RPH3AL: variants seen among roughly 807,000 people sequenced by gnomAD.
RPH3AL encodes rabphilin 3A like (without C2 domains), also known as rab effector Noc2.
In RPH3AL, 38 loss-of-function variants were observed where a neutral mutation model predicts 43.1. The ratio of observed to expected loss-of-function variants is 0.88; its 90% CI spans 0.68 to 1.15. The LOEUF is 1.15. Ranked by LOEUF, RPH3AL falls within the 50% of genes most tolerant of loss-of-function variation. RPH3AL has a pLI of 0.00. For missense variants in RPH3AL, 462 were observed against 423.2 expected, an observed-to-expected ratio of 1.09 and a Z score of -0.81; for synonymous variants, 189 against 176.3, an observed-to-expected ratio of 1.07 and a Z score of -0.57.
At chr17:251,829 T>G (rs1445780539) in intron 6 of RPH3AL, among the ~76,000 whole-genome samples, 1 of 152,226 alleles carries the variant, frequency 6.6e-6, no homozygotes, top group Admixed American at 6.5e-5. Flanking sequence ...GTCACCTCCC[T>G]GTCCTCCACC....
intron 6 of RPH3AL, among the ~76,000 whole-genome samples, chr17:273,040 C>CTACGTCAGGGTGAGACCCCAGCGAGGGT (rs2042539065): frequency 3.5e-5 from 2 of 56,848 alleles, no homozygotes; most frequent in African/African-American, 1.3e-4. Context: ...CCAGCGAGGG[C>CTACGTCAGGGTGAGACCCCAGCGAGGGT]GACGTCAGGG....
intron 7 of RPH3AL, among the ~76,000 whole-genome samples, chr17:236,582 G>C (rs1289069745): frequency 6.6e-6 from 1 of 152,244 alleles, no homozygotes; most frequent in Non-Finnish European, 1.5e-5. Flanking sequence ...TGGCTTGGAG[G>C]GCTGGCAAGC....
chr17:262,404 C>T (rs558558362), intron 6 of RPH3AL, among the ~76,000 whole-genome samples: 51 of 152,194 alleles, frequency 3.4e-4, no homozygotes, highest in African/African-American at 8.2e-4. Flanking sequence ...TTAGTAGAGA[C>T]GGGGTTTCAC....
At chr17:332,136 G>C (rs2044787879) in intron 2 of RPH3AL, 2 of 346,394 alleles carry the variant, frequency 5.8e-6, no homozygotes, top group Non-Finnish European at 1.1e-5. Flanking sequence ...GAGCTCTGCG[G>C]GGAGCAGACA....
rs1567571002 is a variant in RPH3AL at position 235,460 on chromosome 17, A to ATCTGGGGTCG, written c.613+11650_613+11651insCGACCCCAGA. On this transcript the variant is annotated intron_variant, in intron 7 of 9. Coordinates refer to ENST00000331302, the MANE Select transcript of RPH3AL (RefSeq NM_006987.4). ...GTAACAAGAGGGATGCAGGGTTCAA[A>ATCTGGGGTCG]GCTGGGGTCGGCCGAGGCTCTGCAC... Among the ~76,000 whole-genome samples the ATCTGGGGTCG allele has an allele frequency of 6.5e-4, 90 of 137,834 alleles. 7 individuals carry two copies. Among genetic ancestry groups the ATCTGGGGTCG allele is most frequent in the Middle Eastern group, 5.1e-3 (1 of 196 alleles). 90.4% of individuals were successfully genotyped at this position (137,834 alleles called of 152,430 possible). A position where few individuals can be genotyped will look rare whatever the true frequency, so the allele number is the denominator to read the frequency against.
At chr17:232,958 AG>A (rs2041265996) in intron 7 of RPH3AL, among the ~76,000 whole-genome samples, 1 of 151,788 alleles carries the variant, frequency 6.6e-6, no homozygotes, top group African/African-American at 2.4e-5. Flanking sequence ...GAATCCATGC[AG>A]GGAGGAAAAT....
chr17:324,397 T>A (rs1195719878), intron 3 of RPH3AL, among the ~76,000 whole-genome samples: 5 of 152,160 alleles, frequency 3.3e-5, no homozygotes, highest in Non-Finnish European at 5.9e-5. Flanking sequence ...CCCACCCCCT[T>A]GCAATGTCCC....
chr17:321,261 C>A lies in RPH3AL; in HGVS notation c.221+11G>T, dbSNP rs200632068. On this transcript the variant is annotated intron_variant, in intron 4 of 9. Transcript: ENST00000331302. ...TGTCCTCCCACTGAGCTGGCCCCGG[C>A]CCCGCCTCACCCGATTCTCTGCTGC... The A allele has an allele frequency of 1.1e-3, 1,797 of 1,603,136 alleles. 2 individuals are homozygous for A. The highest frequency in any genetic ancestry group is 1.4e-3 in the Non-Finnish European group (1,652 of 1,178,458).
At chr17:317,017 C>G (rs2044264506) in intron 5 of RPH3AL, among the ~76,000 whole-genome samples, 1 of 151,300 alleles carries the variant, frequency 6.6e-6, no homozygotes, top group Non-Finnish European at 1.5e-5. Context: ...GACCTGTAGT[C>G]TCTGTGCTCC....
chr17:239,339 A>T (rs569445386), intron 7 of RPH3AL, among the ~76,000 whole-genome samples: 2 of 152,324 alleles, frequency 1.3e-5, no homozygotes, highest in Admixed American at 6.5e-5. Flanking sequence ...GTGTTTCTGG[A>T]TACACCTAGA....
intron 5 of RPH3AL, among the ~76,000 whole-genome samples, chr17:293,127 G>A (rs2043084954): frequency 6.6e-6 from 1 of 152,092 alleles, no homozygotes; most frequent in African/African-American, 2.4e-5. Flanking sequence ...GACATGGCCT[G>A]GGGACCACCT....
At chr17:310,632 G>A (rs1188454669) in intron 5 of RPH3AL, among the ~76,000 whole-genome samples, 6 of 152,294 alleles carry the variant, frequency 3.9e-5, no homozygotes, top group East Asian at 1.9e-4. Context: ...TCCTCACACC[G>A]TGTTAGAGCC....
In RPH3AL at chr17:264,652, C is replaced by T. The variant is rs533725944; in HGVS notation, c.438+17116G>A. On this transcript the variant is annotated intron_variant, in intron 6 of 9. Transcript: ENST00000331302. This position sits in a 1 kb window ranked among gnomAD's most constrained non-coding sequence, Gnocchi z 4.8. ...AAGGCCTATTGGACACATTTGTGAC[C>T]ACACAGGACCAACGCAGGAAGAGGT... Among the ~76,000 whole-genome samples, 1 of 152,324 alleles carries T rather than the reference C, an allele frequency of 6.6e-6. No individual in the cohort carries two copies. The highest frequency in any genetic ancestry group is 2.4e-5 in the African/African-American group (1 of 41,564).
chr17:285,389 A>G (rs1404789423), intron 5 of RPH3AL, among the ~76,000 whole-genome samples: 1 of 152,172 alleles, frequency 6.6e-6, no homozygotes, highest in Non-Finnish European at 1.5e-5. Flanking sequence ...GTGGGATAAT[A>G]CTTACACCCT....
rs1256137586 is a variant in RPH3AL, at chr17:245,493, C to T, written c.613+1618G>A. On this transcript the variant is annotated intron_variant, in intron 7 of 9. Coordinates refer to ENST00000331302, the MANE Select transcript of RPH3AL (RefSeq NM_006987.4). The surrounding 1 kb of genome is among the most constrained non-coding windows in gnomAD (Gnocchi z 5.9). Reference sequence around the variant, plus strand: ...CGTGGATGTGAGTGTGTGTGTATGCCCTGACTTGGAGCAGACGGGGCAGTG... The same window carrying T: ...CGTGGATGTGAGTGTGTGTGTATGCTCTGACTTGGAGCAGACGGGGCAGTG... Among the ~76,000 whole-genome samples, 1 of 151,530 alleles carries T rather than the reference C, an allele frequency of 6.6e-6. No individual in the cohort carries two copies. The highest frequency in any genetic ancestry group is 1.9e-4 in the East Asian group (1 of 5,172).
chr17:236,937 C>T (rs750386412), intron 7 of RPH3AL, among the ~76,000 whole-genome samples: 1 of 152,272 alleles, frequency 6.6e-6, no homozygotes, highest in Non-Finnish European at 1.5e-5. Context: ...GGACCCTGGT[C>T]AGCCTTCCCC....
At chr17:241,038 AGAGT>A (rs953527010) in intron 7 of RPH3AL, among the ~76,000 whole-genome samples, 15 of 149,550 alleles carry the variant, frequency 1.0e-4, no homozygotes, top group Admixed American at 8.7e-4. Context: ...GCCTGGCGAC[AGAGT>A]GAGACTCCAT....
chr17:273,268 G>T (rs796101011), intron 6 of RPH3AL, among the ~76,000 whole-genome samples: 17 of 50,484 alleles, frequency 3.4e-4, no homozygotes, highest in African/African-American at 7.4e-4. Flanking sequence ...CGAGGGTGAC[G>T]TCAGGGAGAG....
intron 6 of RPH3AL, among the ~76,000 whole-genome samples, chr17:280,302 C>G (rs1424087260): frequency 6.6e-6 from 1 of 152,082 alleles, no homozygotes; most frequent in African/African-American, 2.4e-5. Flanking sequence ...GGGGATTTTC[C>G]ACCTGGGAAA....
Sources: allele counts gnomAD v4.1 joint callset (sites outside exome capture counted in the v4.1 genomes callset), GRCh38; gene constraint gnomAD v4.1.1; non-coding constraint Gnocchi (gnomAD v3.1); transcripts MANE v1.5; gene names NCBI Gene and HGNC (gene_info 2026-07-23, HGNC 2026-07-21).